The following MS4A10 variants were observed in gnomAD, a reference collection of about 807,000 sequenced individuals.
MS4A10 encodes the protein membrane spanning 4-domains A10, also known as membrane-spanning 4-domains subfamily A member 10.
Under a neutral mutation model 27.7 loss-of-function variants are expected in MS4A10, and 27 were observed. The ratio of observed to expected loss-of-function variants is 0.98; its 90% CI spans 0.72 to 1.35. The LOEUF is 1.35. Among genes scored for constraint, MS4A10 ranks in the 40% most tolerant of loss-of-function variants. The pLI, the probability that MS4A10 is intolerant of heterozygous loss-of-function variation, is 0.00. For missense variants in MS4A10, 338 were observed against 324.7 expected (o/e 1.04, Z -0.32); for synonymous variants, 139 against 131.2 (o/e 1.06, Z -0.41).
chr11:60,793,882 A>G (rs1200454676), intron 4 of MS4A10, 90 bp from the exon 5 acceptor site: 5 of 1,446,472 alleles, frequency 3.5e-6, no homozygotes, highest in Non-Finnish European at 3.8e-6. Context: ...TCCTGAGGCT[A>G]CAGAGGAAGC....
At position 60,799,841 on chromosome 11, in the gene MS4A10, A is replaced by T; in HGVS notation, c.736A>T (p.Lys246Ter). Reference protein sequence around the residue: ...HKQHQRLREVKQVAPDTWIVT... With the variant: ...HKQHQRLREV ...CATTTCATGCAGGCTCAGAGAAGTT[A>T]AGCAAGTTGCCCCGGACACATGGAT... The change falls in exon 8 of 8, where the codon AAG (lysine) becomes TAG (stop). Residue 246 changes from lysine (K) to a stop codon, truncating the protein, a stop_gained. Transcript: ENST00000308287. LOFTEE classifies it low-confidence loss of function (END_TRUNC). 1 of 1,515,600 alleles carries T rather than the reference A, an allele frequency of 6.6e-7. No individual in the cohort carries two copies. Among genetic ancestry groups the T allele is most frequent in the Non-Finnish European group, 9.1e-7 (1 of 1,092,910 alleles). 93.9% of individuals were successfully genotyped at this position (1,515,600 alleles called of 1,614,324 possible).
rs202230321 is a variant in MS4A10, at chr11:60,800,784, C to CTT, written c.*901_*902dup. The CTT allele has an allele frequency of 9.2e-6, 1 of 109,280 alleles. No individual in the cohort carries two copies. Among genetic ancestry groups the CTT allele is most frequent in the African/African-American group, 3.2e-5 (1 of 31,182 alleles). 6.8% of individuals were successfully genotyped at this position (109,280 alleles called of 1,614,324 possible). On this transcript the variant is annotated 3_prime_UTR_variant, in exon 8 of 8. Transcript: ENST00000308287. ...AAATGTTTAGGACAACCCAGTCTTT[C>CTT]TTTTTTTTTTTTTTTTTTTTTTTTT...
chr11:60,786,191 A>G (rs559157), intron 1 of MS4A10, among the ~76,000 whole-genome samples: 34,976 of 140,646 alleles, frequency 0.25, 4,455 homozygotes, highest in Middle Eastern at 0.37. Context: ...ACACACACGC[A>G]CACACACACA....
chr11:60,799,780 G>A (rs762000578), intron 7 of MS4A10, 48 bp from the exon 8 acceptor site: 17 of 859,846 alleles, frequency 2.0e-5, no homozygotes, highest in Non-Finnish European at 2.7e-5. Context: ...TCCTCCCATC[G>A]ATCTGTGACC....
At position 60,795,639 on chromosome 11, in the gene MS4A10, T is replaced by C. The variant is rs555748192; in HGVS notation, c.577T>C (p.Trp193Arg). 1.9e-6 allele frequency: 3 copies of C among 1,591,050 alleles called. No individual in the cohort carries two copies. The East Asian group carries it at 7.0e-5, about 37-fold the overall frequency. ...GCCAGTGCCCACAGCTGTCACAGCC[T>C]GGAGAGGGGACTGCCCATCTGCAAA... ...FLPVPTAVTA[W>R]RGDCPSAKND... The change falls in exon 6 of 8, where the codon TGG becomes CGG. Residue 193 changes from tryptophan (W) to arginine (R), a missense_variant. By Grantham distance (101) the Trp-to-Arg change is moderately radical. Coordinates refer to ENST00000308287, the MANE Select transcript of MS4A10 (RefSeq NM_206893.4).
In MS4A10 at chr11:60,794,236, C is replaced by T. The variant is rs917700816; in HGVS notation, c.492+133C>T. On this transcript the variant is annotated intron_variant, in intron 5 of 7. Coordinates refer to ENST00000308287, the MANE Select transcript of MS4A10 (RefSeq NM_206893.4). ...GTGGGCTGCTGGGCCCTTTGCCAACCTGTTTCTGTCCCCTACAAGGTGTGG... is the reference window on the plus strand; with the variant it reads ...GTGGGCTGCTGGGCCCTTTGCCAACTTGTTTCTGTCCCCTACAAGGTGTGG... 1.3e-5 allele frequency: 13 copies of T among 999,278 alleles called. No individual in the cohort carries two copies. In the African/African-American group the frequency reaches 2.1e-4, roughly 16 times the overall value. The allele number at this position is 999,278 out of a possible 1,614,324, so 61.9% of individuals were successfully genotyped here.
intron 6 of MS4A10, among the ~76,000 whole-genome samples, chr11:60,796,196 T>TGATG (rs59783869): frequency 5.9e-5 from 9 of 151,688 alleles, no homozygotes; most frequent in African/African-American, 1.5e-4. Flanking sequence ...ATGCATCCAT[T>TGATG]GATGGATGGA....
intron 1 of MS4A10, among the ~76,000 whole-genome samples, chr11:60,788,856 C>T (rs1360177637): frequency 1.3e-5 from 2 of 152,226 alleles, no homozygotes; most frequent in South Asian, 2.1e-4. Flanking sequence ...GGCACTTCCT[C>T]ACTGTGTGAC....
intron 7 of MS4A10, 104 bp downstream of exon 7, chr11:60,798,618 A>AG: frequency 1.2e-6 from 1 of 835,162 alleles, no homozygotes; most frequent in South Asian, 1.6e-5. Flanking sequence ...GTAAGGGGCA[A>AG]GGGGCTAACA....
intron 7 of MS4A10, among the ~76,000 whole-genome samples, chr11:60,798,999 G>A (rs1854583106): frequency 6.6e-6 from 1 of 152,242 alleles, no homozygotes. Context: ...GAGGGAGCCT[G>A]TGTGTCTGAA....
intron 3 of MS4A10, 95 bp from the exon 4 acceptor site, chr11:60,792,170 G>T (rs1002949361): frequency 6.9e-5 from 67 of 976,080 alleles, no homozygotes; most frequent in Non-Finnish European, 9.9e-5. Context: ...GGCCGCCAAG[G>T]GTTGATTTTC....
rs760092679 is a variant in MS4A10, at chr11:60,790,519, G to A, written c.183+1G>A. Reference sequence around the variant, plus strand: ...GAGCAGCCTTCTTAAGGAGCTGGGGGTGAGCATCCACTTCCCAGGGTCCCA... The same window carrying A: ...GAGCAGCCTTCTTAAGGAGCTGGGGATGAGCATCCACTTCCCAGGGTCCCA... On this transcript the variant is annotated splice_donor_variant, in intron 2 of 7. Coordinates refer to ENST00000308287, the MANE Select transcript of MS4A10 (RefSeq NM_206893.4). LOFTEE classifies it high-confidence loss of function. 4.3e-6 allele frequency: 7 copies of A among 1,614,010 alleles called. No homozygotes were observed. Among genetic ancestry groups the A allele is most frequent in the Admixed American group, 3.3e-5 (2 of 60,014 alleles).
chr11:60,796,026 A>G (rs1854525229), intron 6 of MS4A10, among the ~76,000 whole-genome samples: 1 of 152,208 alleles, frequency 6.6e-6, no homozygotes, highest in Non-Finnish European at 1.5e-5. Flanking sequence ...AGAGACTTTC[A>G]GCAGAGCAAG....
At position 60,799,878 on chromosome 11, in the gene MS4A10, G is replaced by C; in HGVS notation, c.773G>C (p.Gly258Ala). 1 of 1,613,418 alleles carries C rather than the reference G, an allele frequency of 6.2e-7. No homozygotes were observed. Among genetic ancestry groups the C allele is most frequent in the Admixed American group, 1.7e-5 (1 of 59,992 alleles). The change falls in exon 8 of 8, where the codon GGA (glycine) becomes GCA (alanine). Residue 258 changes from glycine (G) to alanine (A), a missense_variant. Transcript: ENST00000308287. ...CCGGACACATGGATAGTCACTGACG[G>C]AGCTGCGATCTGGACCCAGACTGCA... ...VAPDTWIVTDGAAIWTQTAN is the reference protein window; with the variant it reads ...VAPDTWIVTDAAAIWTQTAN
At chr11:60,793,946 C>A in intron 4 of MS4A10, 26 bp from the exon 5 acceptor site, 3 of 1,612,808 alleles carry the variant, frequency 1.9e-6, no homozygotes, top group Non-Finnish European at 1.7e-6. Context: ...CTTTGGACAG[C>A]TGTTACCTTT....
rs1056179331 is a variant in MS4A10 at position 60,790,380 on chromosome 11, G to A, written c.45G>A (p.Gly15=). The A allele has an allele frequency of 1.1e-5, 18 of 1,614,016 alleles. No homozygotes were observed. In the Admixed American group the frequency reaches 1.7e-4, roughly 15 times the overall value. ...TTATTCCCAGCCGTTGTGCTAGGGG[G>A]CTCCCATCATGGCAAGTCCTCAGCC... ...ATVIPSRCAR[G]LPSWQVLSPV... Residue 15 remains glycine (G), a synonymous_variant, in exon 2 of 8, where the codon GGG becomes GGA. Transcript: ENST00000308287.
At chr11:60,798,347 A>C in intron 6 of MS4A10, 49 bp from the exon 7 acceptor site, 1 of 1,390,872 alleles carries the variant, frequency 7.2e-7, no homozygotes, top group Non-Finnish European at 1.0e-6. Flanking sequence ...GGAAGCAGCC[A>C]GTCGCTCCAC....
At chr11:60,794,931 C>T (rs146075206) in intron 5 of MS4A10, among the ~76,000 whole-genome samples, 6 of 152,144 alleles carry the variant, frequency 3.9e-5, no homozygotes, top group African/African-American at 4.8e-5. Flanking sequence ...GTGATCCTCC[C>T]GCCTCAGCCT....
At chr11:60,798,608 G>C (rs1433518219) in intron 7 of MS4A10, 94 bp downstream of exon 7, 2 of 971,620 alleles carry the variant, frequency 2.1e-6, no homozygotes, top group Non-Finnish European at 3.2e-6. Flanking sequence ...CAGGGGAGCT[G>C]TAAGGGGCAA....
Sources: allele counts gnomAD v4.1 joint callset (sites outside exome capture counted in the v4.1 genomes callset), GRCh38; gene constraint gnomAD v4.1.1; transcripts MANE v1.5; gene names NCBI Gene and HGNC (gene_info 2026-07-23, HGNC 2026-07-21).